Variants in PRR16 observed in about 807,000 individuals in gnomAD.
The protein encoded by PRR16 is proline rich 16.
In PRR16, 6 loss-of-function variants were observed where a neutral mutation model predicts 18.2. The observed-to-expected ratio is 0.33, with a 90% CI of 0.18 to 0.65. PRR16 has a LOEUF of 0.65. PRR16 is among the 30% of genes least tolerant of loss of function. The pLI, the probability that PRR16 is intolerant of heterozygous loss-of-function variation, is 0.74. For missense variants in PRR16, 412 were observed against 376.6 expected, an observed-to-expected ratio of 1.09 and a Z score of -0.78; for synonymous variants, 151 against 147.8, an observed-to-expected ratio of 1.02 and a Z score of -0.16.
the PRR16 span, among the ~76,000 whole-genome samples, chr5:120,694,581 G>A: frequency 6.6e-6 from 1 of 151,720 alleles, no homozygotes; most frequent in Non-Finnish European, 1.5e-5. Context: ...CTACTCGGGA[G>A]GCTGAGGCAG....
At chr5:120,582,997 C>T (rs551430166) in intron 1 of PRR16, among the ~76,000 whole-genome samples, 110 of 152,356 alleles carry the variant, frequency 7.2e-4, no homozygotes, top group African/African-American at 2.4e-3. Flanking sequence ...TACTGTCATT[C>T]TCTCACAGAT....
Position 120,509,292 on chromosome 5 carries a change from T to C in PRR16, c.159+44647T>C, listed in dbSNP as rs1657094316. 2.6e-5 allele frequency among the ~76,000 whole-genome samples: 4 copies of C among 152,142 alleles called. 1 individual carries two copies. Among genetic ancestry groups the C allele is most frequent in the Admixed American group, 2.6e-4 (4 of 15,264 alleles). ...GCCAGATTTTCTCCTTGGTTTCTGT[T>C]GAGGTCTCTTCATCCGTCTGTAGAA... On this transcript the variant is annotated intron_variant, in intron 1 of 1. Transcript: ENST00000407149.
chr5:120,532,971 C>T lies in PRR16; in HGVS notation c.159+68326C>T, dbSNP rs564245261. On this transcript the variant is annotated intron_variant, in intron 1 of 1. Coordinates refer to ENST00000407149, the MANE Select transcript of PRR16 (RefSeq NM_001300783.2). ...TTTTAGTGTTTCTGGGTCGTTCTGT[C>T]TCAGAGCAGTAGTTTCCCCGAAGTC... 3.9e-5 allele frequency among the ~76,000 whole-genome samples: 6 copies of T among 152,246 alleles called. No individual in the cohort carries two copies. The South Asian group carries it at 8.3e-4, about 21-fold the overall frequency.
intron 1 of PRR16, among the ~76,000 whole-genome samples, chr5:120,584,136 C>T (rs1753362934): frequency 6.6e-6 from 1 of 151,934 alleles, no homozygotes; most frequent in Non-Finnish European, 1.5e-5. Flanking sequence ...AAATGATGTC[C>T]CAGGGACTAA....
chr5:120,529,829 G>A (rs1751486501), intron 1 of PRR16, among the ~76,000 whole-genome samples: 1 of 151,906 alleles, frequency 6.6e-6, no homozygotes, highest in Middle Eastern at 3.2e-3. Flanking sequence ...AGTTACCATG[G>A]TAACTTACCA....
intron 1 of PRR16, among the ~76,000 whole-genome samples, chr5:120,496,630 A>G (rs1400559832): frequency 1.3e-5 from 2 of 151,008 alleles, no homozygotes; most frequent in Middle Eastern, 3.2e-3. Flanking sequence ...AGATTTGTAA[A>G]TTTATTTTTT....
At position 120,676,388 on chromosome 5, in the gene PRR16, G is replaced by A. The variant is rs10058696; in HGVS notation, c.160-9566G>A. Among the ~76,000 whole-genome samples the A allele has an allele frequency of 3.3e-3, 502 of 152,012 alleles. 7 individuals carry two copies. The highest frequency in any genetic ancestry group is 0.011 in the African/African-American group (473 of 41,470). On this transcript the variant is annotated intron_variant, in intron 1 of 1. Transcript: ENST00000407149. ...AATGTATATGTGAAGGCGGGGCCCC[G>A]TTCCTGAATTTGGACATGAAAATGG...
intron 1 of PRR16, among the ~76,000 whole-genome samples, chr5:120,530,917 A>C (rs928580368): frequency 1.3e-5 from 2 of 152,182 alleles, no homozygotes; most frequent in South Asian, 4.1e-4. Flanking sequence ...GTAAGATAGA[A>C]TCTTGCAATT....
intron 1 of PRR16, among the ~76,000 whole-genome samples, chr5:120,486,723 T>C (rs1309959803): frequency 2.0e-5 from 3 of 152,198 alleles, no homozygotes; most frequent in Middle Eastern, 3.2e-3. Flanking sequence ...TCCTTGCCCA[T>C]GTCTCTGTCC....
intron 1 of PRR16, among the ~76,000 whole-genome samples, chr5:120,512,081 G>C (rs1412791865): frequency 1.0e-5 from 1 of 98,124 alleles, no homozygotes; most frequent in Non-Finnish European, 2.1e-5. Context: ...CATTAATGGA[G>C]TTTCACAAAC....
At chr5:120,609,690 T>C (rs1186410584) in intron 1 of PRR16, among the ~76,000 whole-genome samples, 4 of 152,222 alleles carry the variant, frequency 2.6e-5, no homozygotes, top group Non-Finnish European at 5.9e-5. Context: ...GAGTGATACT[T>C]GCATATAACC....
chr5:120,779,333 A>C, the PRR16 span, among the ~76,000 whole-genome samples: 1 of 152,224 alleles, frequency 6.6e-6, no homozygotes, highest in Non-Finnish European at 1.5e-5. Flanking sequence ...AACAGTTCAC[A>C]ATCATTATCA....
At chr5:120,761,589 C>CTT in the PRR16 span, among the ~76,000 whole-genome samples, 1 of 151,840 alleles carries the variant, frequency 6.6e-6, no homozygotes, top group African/African-American at 2.4e-5. Context: ...TTAGATTTAT[C>CTT]TTTTTTTATC....
the PRR16 span, among the ~76,000 whole-genome samples, chr5:120,770,272 A>G: frequency 6.6e-6 from 1 of 151,972 alleles, no homozygotes; most frequent in East Asian, 1.9e-4. Context: ...AACAGAATAG[A>G]CAGCCCATAA....
At chr5:120,704,647 C>T in the PRR16 span, among the ~76,000 whole-genome samples, 1 of 152,144 alleles carries the variant, frequency 6.6e-6, no homozygotes, top group Non-Finnish European at 1.5e-5. Flanking sequence ...TGGGAAGCTT[C>T]ACACCCTGAT....
the PRR16 span, among the ~76,000 whole-genome samples, chr5:120,720,235 C>T: frequency 2.0e-5 from 3 of 151,952 alleles, no homozygotes; most frequent in African/African-American, 7.2e-5. Flanking sequence ...ATGTTCTCTA[C>T]CTTAATGTCC....
chr5:120,744,676 C>T, the PRR16 span, among the ~76,000 whole-genome samples: 1 of 152,178 alleles, frequency 6.6e-6, no homozygotes, highest in Admixed American at 6.5e-5. Context: ...ACCTGACTCA[C>T]TTATAACATG....
At chr5:120,694,528 C>CA in the PRR16 span, among the ~76,000 whole-genome samples, 3 of 151,688 alleles carry the variant, frequency 2.0e-5, no homozygotes, top group African/African-American at 7.3e-5. Context: ...ACTAAAAATA[C>CA]AAAAAATTAG....
At chr5:120,727,673 A>C in the PRR16 span, among the ~76,000 whole-genome samples, 1 of 152,108 alleles carries the variant, frequency 6.6e-6, no homozygotes, top group Non-Finnish European at 1.5e-5. Flanking sequence ...GAAACTCTTT[A>C]TTGTTGCCTG....
Sources: gnomAD v4.1 joint callset for allele counts (sites outside exome capture counted in the v4.1 genomes callset) on GRCh38, gnomAD v4.1.1 for gene constraint, MANE v1.5 for transcripts, NCBI Gene and HGNC (gene_info 2026-07-23, HGNC 2026-07-21) for gene names.